GLIS3: variants seen among roughly 807,000 people sequenced by gnomAD.
The protein encoded by GLIS3 is zinc finger protein GLIS3.
A neutral mutation model predicts 78.6 loss-of-function variants in GLIS3; 53 were observed. The ratio of observed to expected loss-of-function variants is 0.67; its 90% CI spans 0.54 to 0.85. The LOEUF is 0.85. GLIS3 is among the 40% of genes least tolerant of loss of function. The pLI is 0.00. For synonymous variants in GLIS3, 684 were observed against 509.9 expected (o/e 1.34, Z -4.60); for missense variants, 1,703 against 1,231.1 (o/e 1.38, Z -5.74).
At chr9:4,412,725 C>T in the GLIS3 span, among the ~76,000 whole-genome samples, 1 of 152,168 alleles carries the variant, frequency 6.6e-6, no homozygotes, top group Non-Finnish European at 1.5e-5. Flanking sequence ...TCTACATTTC[C>T]CAGACTCCCT....
chr9:4,239,897 G>C (rs1484263156), intron 2 of GLIS3, among the ~76,000 whole-genome samples: 3 of 152,156 alleles, frequency 2.0e-5, no homozygotes, highest in African/African-American at 7.2e-5. Context: ...TGTATCATTA[G>C]ACCTTTACAG....
At chr9:4,130,333 C>T (rs902015400) in intron 2 of GLIS3, among the ~76,000 whole-genome samples, 4 of 152,360 alleles carry the variant, frequency 2.6e-5, no homozygotes, top group East Asian at 3.9e-4. Flanking sequence ...AAGGCAAGTA[C>T]TGACAGCCAA....
chr9:4,449,507 G>C, the GLIS3 span, among the ~76,000 whole-genome samples: 1 of 152,226 alleles, frequency 6.6e-6, no homozygotes, highest in Non-Finnish European at 1.5e-5. Flanking sequence ...AGAATGGACA[G>C]ACTGCCTCCT....
chr9:4,011,026 G>A (rs1361091009), intron 4 of GLIS3, among the ~76,000 whole-genome samples: 1 of 152,188 alleles, frequency 6.6e-6, no homozygotes, highest in Non-Finnish European at 1.5e-5. Flanking sequence ...AGATGGATAG[G>A]AGCTCAGCGG....
chr9:4,242,888 C>T (rs994942197), intron 2 of GLIS3, among the ~76,000 whole-genome samples: 1 of 151,960 alleles, frequency 6.6e-6, no homozygotes, highest in Non-Finnish European at 1.5e-5. Flanking sequence ...TTTAATGTGG[C>T]TACTAAAATT....
chr9:4,470,581 C>T, the GLIS3 span, among the ~76,000 whole-genome samples: 4 of 152,292 alleles, frequency 2.6e-5, no homozygotes, highest in South Asian at 4.1e-4. Context: ...TCTCAATAAA[C>T]TAGGTATTGA....
the GLIS3 span, among the ~76,000 whole-genome samples, chr9:4,381,591 C>G: frequency 6.6e-6 from 1 of 152,182 alleles, no homozygotes; most frequent in Non-Finnish European, 1.5e-5. Flanking sequence ...GTACTAATAT[C>G]TGCATGCATG....
At chr9:4,451,279 A>G in the GLIS3 span, among the ~76,000 whole-genome samples, 167 of 152,348 alleles carry the variant, frequency 1.1e-3, no homozygotes, top group African/African-American at 3.9e-3. Context: ...TAAAGGGATC[A>G]ATTCAATAAG....
chr9:4,341,557 C>T (rs1817834750), intron 2 of GLIS3, among the ~76,000 whole-genome samples: 1 of 152,196 alleles, frequency 6.6e-6, no homozygotes, highest in African/African-American at 2.4e-5. Flanking sequence ...TCTCTTCTGT[C>T]CTCAGACCCC....
intron 6 of GLIS3, among the ~76,000 whole-genome samples, chr9:3,907,274 G>C (rs1266516457): frequency 6.6e-6 from 1 of 152,178 alleles, no homozygotes; most frequent in African/African-American, 2.4e-5. Flanking sequence ...AGCCAGCAGT[G>C]TGGGACCAGC....
the GLIS3 span, among the ~76,000 whole-genome samples, chr9:4,424,614 A>G: frequency 6.6e-6 from 1 of 152,130 alleles, no homozygotes; most frequent in South Asian, 2.1e-4. Context: ...TCCAGGCTGG[A>G]GTGCAGAGGC....
the GLIS3 span, among the ~76,000 whole-genome samples, chr9:4,368,467 C>A: frequency 7.9e-5 from 12 of 152,146 alleles, no homozygotes; most frequent in African/African-American, 2.4e-4. Flanking sequence ...GCCTCAGCCT[C>A]CCAAGTAGCC....
the GLIS3 span, among the ~76,000 whole-genome samples, chr9:4,367,436 C>A: frequency 6.6e-6 from 1 of 152,018 alleles, no homozygotes; most frequent in Admixed American, 6.6e-5. Context: ...TAAACTAGGT[C>A]TTCCTGCTTG....
intron 8 of GLIS3, among the ~76,000 whole-genome samples, chr9:3,871,856 A>G (rs1820989689): frequency 6.6e-6 from 1 of 152,244 alleles, no homozygotes; most frequent in South Asian, 2.1e-4. Flanking sequence ...AAATTTATGC[A>G]GCCAGCTTGA....
intron 4 of GLIS3, among the ~76,000 whole-genome samples, chr9:3,998,514 A>G (rs1820900912): frequency 6.6e-6 from 1 of 151,840 alleles, no homozygotes; most frequent in Non-Finnish European, 1.5e-5. Context: ...TTACAATATA[A>G]ATACTAACAC....
At chr9:4,108,000 C>T (rs755191866) in intron 4 of GLIS3, among the ~76,000 whole-genome samples, 9 of 152,174 alleles carry the variant, frequency 5.9e-5, no homozygotes, top group South Asian at 2.1e-4. Context: ...GTATGTTAAT[C>T]GTTGAGCCAC....
At chr9:4,057,536 G>A (rs181713210) in intron 4 of GLIS3, among the ~76,000 whole-genome samples, 107 of 151,966 alleles carry the variant, frequency 7.0e-4, no homozygotes, top group Middle Eastern at 3.4e-3. Flanking sequence ...GAGTTCAGCA[G>A]GCATTTGAGG....
intron 7 of GLIS3, among the ~76,000 whole-genome samples, chr9:3,884,041 CA>C (rs1283520651): frequency 6.6e-6 from 1 of 152,162 alleles, no homozygotes; most frequent in Non-Finnish European, 1.5e-5. Flanking sequence ...ATAATTTTAA[CA>C]AAGCAGCATC....
At chr9:4,288,326 C>T (rs1192422131) in intron 1 of GLIS3, among the ~76,000 whole-genome samples, 1 of 151,994 alleles carries the variant, frequency 6.6e-6, no homozygotes, top group Non-Finnish European at 1.5e-5. Flanking sequence ...GCAACCCACC[C>T]CCCGCCAAAA....
Sources: allele counts gnomAD v4.1 joint callset (sites outside exome capture counted in the v4.1 genomes callset), GRCh38; gene constraint gnomAD v4.1.1; transcripts MANE v1.5; gene names NCBI Gene and HGNC (gene_info 2026-07-23, HGNC 2026-07-21).